The following LRRC4C variants were observed in gnomAD, a reference collection of about 807,000 sequenced individuals.
LRRC4C encodes leucine-rich repeat-containing protein 4C.
LRRC4C carries 5 observed loss-of-function variants against 33.6 expected under a neutral mutation model. The observed-to-expected ratio is 0.15, with a 90% confidence interval of 0.08 to 0.31. The LOEUF is 0.31. Ranked by LOEUF, LRRC4C falls within the 10% of genes least tolerant of loss-of-function variation. The pLI, the probability that LRRC4C is intolerant of heterozygous loss-of-function variation, is 1.00. For missense variants in LRRC4C, 560 were observed against 796.7 expected, an observed-to-expected ratio of 0.70 and a Z score of 3.58; for synonymous variants, 329 against 302.0, an observed-to-expected ratio of 1.09 and a Z score of -0.93.
chr11:41,026,277 G>T (rs959201228), intron 1 of LRRC4C, among the ~76,000 whole-genome samples: 9 of 151,594 alleles, frequency 5.9e-5, no homozygotes, highest in Non-Finnish European at 1.3e-4. Flanking sequence ...TCTGCAAGAC[G>T]TTCATTCCAA....
intron 2 of LRRC4C, among the ~76,000 whole-genome samples, chr11:40,883,512 C>T (rs2136042891): frequency 6.6e-6 from 1 of 152,164 alleles, no homozygotes; most frequent in Non-Finnish European, 1.5e-5. Context: ...AATCTTAATT[C>T]ATGGGTGCAA....
intron 6 of LRRC4C, among the ~76,000 whole-genome samples, chr11:40,127,141 G>A (rs1003910346): frequency 4.0e-5 from 6 of 150,756 alleles, no homozygotes; most frequent in African/African-American, 1.5e-4. Context: ...GCTGGGCATG[G>A]TGGTGGGCAC....
chr11:40,799,840 T>C (rs967998122), intron 2 of LRRC4C, among the ~76,000 whole-genome samples: 3 of 152,284 alleles, frequency 2.0e-5, no homozygotes, highest in Admixed American at 6.5e-5. Flanking sequence ...TTTCTCTTTG[T>C]AAAAAGATGA....
At chr11:40,613,502 CA>C (rs1418802378) in intron 3 of LRRC4C, among the ~76,000 whole-genome samples, 1 of 151,842 alleles carries the variant, frequency 6.6e-6, no homozygotes, top group Non-Finnish European at 1.5e-5. Flanking sequence ...CTCTTTCCAT[CA>C]AAACTGTAGT....
chr11:41,094,662 G>T (rs1940691713), intron 1 of LRRC4C, among the ~76,000 whole-genome samples: 1 of 151,754 alleles, frequency 6.6e-6, no homozygotes, highest in African/African-American at 2.4e-5. Flanking sequence ...TCACTATTTA[G>T]TGTATATTAT....
At chr11:40,990,228 G>A (rs543413507) in intron 1 of LRRC4C, among the ~76,000 whole-genome samples, 4 of 68,222 alleles carry the variant, frequency 5.9e-5, no homozygotes, top group African/African-American at 1.7e-4. Context: ...AGTATGTCAA[G>A]TTTTATATAT....
intron 2 of LRRC4C, among the ~76,000 whole-genome samples, chr11:40,810,956 G>T (rs61888011): frequency 0.038 from 5,832 of 152,148 alleles, 234 homozygotes; most frequent in African/African-American, 0.1. Context: ...GTGTCACTTA[G>T]AATAAAATTC....
At chr11:41,061,857 G>T (rs917520116) in intron 1 of LRRC4C, among the ~76,000 whole-genome samples, 4 of 152,142 alleles carry the variant, frequency 2.6e-5, no homozygotes, top group African/African-American at 9.7e-5. Flanking sequence ...CCTGTACTTA[G>T]AAGATATGCT....
intron 1 of LRRC4C, among the ~76,000 whole-genome samples, chr11:41,206,120 G>T (rs1276318165): frequency 6.6e-6 from 1 of 152,078 alleles, no homozygotes; most frequent in Non-Finnish European, 1.5e-5. Flanking sequence ...ATTAGGTAGG[G>T]CTTCCCACAC....
intron 1 of LRRC4C, among the ~76,000 whole-genome samples, chr11:41,236,275 A>G (rs948399057): frequency 6.6e-6 from 1 of 152,096 alleles, no homozygotes; most frequent in African/African-American, 2.4e-5. Context: ...CCAGCCTGAG[A>G]TGAACACCTC....
chr11:41,078,203 C>G (rs1939298425), intron 1 of LRRC4C, among the ~76,000 whole-genome samples: 1 of 152,214 alleles, frequency 6.6e-6, no homozygotes, highest in African/African-American at 2.4e-5. Context: ...TTCCTTTCTT[C>G]TGAGGCCTCC....
intron 2 of LRRC4C, among the ~76,000 whole-genome samples, chr11:40,765,272 T>C (rs186095854): frequency 6.6e-6 from 1 of 152,142 alleles, no homozygotes; most frequent in Admixed American, 6.5e-5. Flanking sequence ...CAAGTTGTGA[T>C]TGTTCAAAAG....
intron 3 of LRRC4C, among the ~76,000 whole-genome samples, chr11:40,593,851 C>A (rs1029378894): frequency 1.3e-5 from 2 of 152,030 alleles, no homozygotes; most frequent in African/African-American, 4.8e-5. Context: ...CTTGCAATAT[C>A]CTTTAGATTT....
chr11:40,930,910 C>T (rs1223298309), intron 2 of LRRC4C, among the ~76,000 whole-genome samples: 2 of 152,140 alleles, frequency 1.3e-5, no homozygotes, highest in African/African-American at 4.8e-5. Context: ...GTTAATTAAA[C>T]AATAAATTAT....
At chr11:40,589,554 T>G (rs1476824698) in intron 3 of LRRC4C, among the ~76,000 whole-genome samples, 1 of 151,560 alleles carries the variant, frequency 6.6e-6, no homozygotes, top group Admixed American at 6.6e-5. Flanking sequence ...CGTTAGTTGA[T>G]GCAGTTTCTT....
At chr11:41,442,393 A>G (rs1342012395) in intron 1 of LRRC4C, among the ~76,000 whole-genome samples, 1 of 151,816 alleles carries the variant, frequency 6.6e-6, no homozygotes, top group Non-Finnish European at 1.5e-5. Flanking sequence ...GCAAATTTCA[A>G]CAAATAGGAA....
chr11:40,491,436 G>A (rs931876700), intron 3 of LRRC4C, among the ~76,000 whole-genome samples: 1 of 152,174 alleles, frequency 6.6e-6, no homozygotes, highest in African/African-American at 2.4e-5. Context: ...AGTCTGCTCA[G>A]GCACTTACAC....
chr11:40,144,593 T>C (rs1488109192), intron 5 of LRRC4C, among the ~76,000 whole-genome samples: 3 of 152,218 alleles, frequency 2.0e-5, no homozygotes, highest in African/African-American at 7.2e-5. Flanking sequence ...CTTTTGTTAA[T>C]ACTATAAATT....
chr11:41,107,884 C>A (rs753582973), intron 1 of LRRC4C, among the ~76,000 whole-genome samples: 3 of 151,858 alleles, frequency 2.0e-5, no homozygotes, highest in Non-Finnish European at 2.9e-5. Context: ...TTGCTGTGAG[C>A]CGAGATTGCA....
Sources: gnomAD v4.1 joint callset for allele counts (sites outside exome capture counted in the v4.1 genomes callset) on GRCh38, gnomAD v4.1.1 for gene constraint, MANE v1.5 for transcripts, NCBI Gene and HGNC (gene_info 2026-07-23, HGNC 2026-07-21) for gene names.